NTNG1: variants seen among roughly 807,000 people sequenced by gnomAD.
NTNG1 encodes the protein netrin G1.
NTNG1 carries 16 observed loss-of-function variants against 54.0 expected under a neutral mutation model. The observed-to-expected ratio is 0.30, with a 90% CI of 0.20 to 0.45. The LOEUF is 0.45. Among genes scored for constraint, NTNG1 ranks in the 20% least tolerant of loss-of-function variants. The pLI, the probability that NTNG1 is intolerant of heterozygous loss-of-function variation, is 1.00. For missense variants in NTNG1, 530 were observed against 678.7 expected, an observed-to-expected ratio of 0.78 and a Z score of 2.43; for synonymous variants, 255 against 263.1, an observed-to-expected ratio of 0.97 and a Z score of 0.30.
At chr1:107,191,172 G>A (rs1205529533) in intron 2 of NTNG1, among the ~76,000 whole-genome samples, 1 of 152,164 alleles carries the variant, frequency 6.6e-6, no homozygotes, top group Non-Finnish European at 1.5e-5. Context: ...TTTCTCTGAT[G>A]GCCAGTGATG....
In NTNG1 at chr1:107,278,527, C is replaced by T. The variant is rs189264905; in HGVS notation, c.247-45755C>T. ...AGACTAAGTGCTTATGATAAGAAAACCCAGGAATTGAAGGTCTTTTATTCA... is the reference window on the plus strand; with the variant it reads ...AGACTAAGTGCTTATGATAAGAAAATCCAGGAATTGAAGGTCTTTTATTCA... On this transcript the variant is annotated intron_variant, in intron 2 of 7. Coordinates refer to ENST00000370068, the MANE Select transcript of NTNG1 (RefSeq NM_001113226.3). Among the ~76,000 whole-genome samples, 4 of 152,200 alleles carry T rather than the reference C, an allele frequency of 2.6e-5. No homozygotes were observed. The East Asian group carries it at 5.8e-4, about 22-fold the overall frequency.
intron 3 of NTNG1, among the ~76,000 whole-genome samples, chr1:107,385,907 C>T (rs1242202218): frequency 6.6e-6 from 1 of 150,688 alleles, no homozygotes; most frequent in Non-Finnish European, 1.5e-5. Flanking sequence ...TCACCACTGT[C>T]TAATTCCAGA....
chr1:107,361,247 AT>A (rs1670256440), intron 3 of NTNG1, among the ~76,000 whole-genome samples: 1 of 138,328 alleles, frequency 7.2e-6, no homozygotes, highest in Non-Finnish European at 1.6e-5. Flanking sequence ...ATAAATTATT[AT>A]ATAAAATATA....
intron 3 of NTNG1, among the ~76,000 whole-genome samples, chr1:107,359,246 T>C (rs772881868): frequency 1.3e-5 from 2 of 152,190 alleles, no homozygotes; most frequent in Admixed American, 1.3e-4. Context: ...ATTTTTCTCA[T>C]AAATGAAGTT....
chr1:107,163,259 G>C (rs1017211657), intron 2 of NTNG1, among the ~76,000 whole-genome samples: 3 of 152,048 alleles, frequency 2.0e-5, no homozygotes, highest in African/African-American at 7.2e-5. Context: ...ATACCTTTAT[G>C]GATATTTTAT....
chr1:107,434,642 T>G (rs1293864908), intron 6 of NTNG1, among the ~76,000 whole-genome samples: 2 of 152,190 alleles, frequency 1.3e-5, no homozygotes, highest in Non-Finnish European at 2.9e-5. Context: ...TAATCAGAGG[T>G]ACCTTAAATA....
At chr1:107,315,513 C>T (rs906419700) in intron 2 of NTNG1, among the ~76,000 whole-genome samples, 1 of 152,180 alleles carries the variant, frequency 6.6e-6, no homozygotes, top group African/African-American at 2.4e-5. Flanking sequence ...TCATCCCCTT[C>T]ACTTCCCTCT....
chr1:107,373,199 T>A (rs1671031546), intron 3 of NTNG1, among the ~76,000 whole-genome samples: 3 of 152,148 alleles, frequency 2.0e-5, no homozygotes, highest in Admixed American at 1.3e-4. Context: ...TGGAATTTTT[T>A]AAATGATTCC....
intron 3 of NTNG1, chr1:107,330,779 T>C (rs1387342181): frequency 6.6e-6 from 1 of 152,130 alleles, no homozygotes; most frequent in Non-Finnish European, 1.5e-5. Context: ...TGGTGGACTC[T>C]TTGAGAATCG....
At chr1:107,394,364 G>A (rs1672551388) in intron 3 of NTNG1, among the ~76,000 whole-genome samples, 1 of 152,162 alleles carries the variant, frequency 6.6e-6, no homozygotes, top group Non-Finnish European at 1.5e-5. Context: ...ATATATCATG[G>A]CTTTATTCAT....
intron 2 of NTNG1, among the ~76,000 whole-genome samples, chr1:107,215,918 G>C (rs1476492225): frequency 1.3e-5 from 2 of 151,968 alleles, no homozygotes; most frequent in Admixed American, 6.6e-5. Context: ...ATTGTAAAAG[G>C]GATTGAGTTC....
At chr1:107,268,812 A>T (rs556975625) in intron 2 of NTNG1, among the ~76,000 whole-genome samples, 1 of 152,304 alleles carries the variant, frequency 6.6e-6, no homozygotes, top group Admixed American at 6.5e-5. Context: ...CCAATTGCTT[A>T]GGCCTAAAAT....
intron 4 of NTNG1, among the ~76,000 whole-genome samples, chr1:107,402,706 T>G (rs1201109563): frequency 6.6e-6 from 1 of 152,174 alleles, no homozygotes; most frequent in Non-Finnish European, 1.5e-5. Context: ...GGGCCAGGAC[T>G]GGAAGAACAT....
At chr1:107,275,332 G>A (rs1570560899) in intron 2 of NTNG1, among the ~76,000 whole-genome samples, 2 of 151,990 alleles carry the variant, frequency 1.3e-5, no homozygotes, top group African/African-American at 2.4e-5. Flanking sequence ...AGCCAAGATC[G>A]CACCACTGCA....
At chr1:107,449,718 A>T (rs1184933449) in intron 7 of NTNG1, among the ~76,000 whole-genome samples, 1 of 96,684 alleles carries the variant, frequency 1.0e-5, no homozygotes, top group Admixed American at 1.0e-4. Context: ...CTTCTGCTGG[A>T]TTAAAAAAAA....
intron 2 of NTNG1, 103 bp from the exon 3 acceptor site, chr1:107,324,179 A>AT (rs567737906): frequency 3.3e-3 from 3,248 of 988,002 alleles, no homozygotes; most frequent in Middle Eastern, 4.3e-3. Context: ...CTGAAAACAG[A>AT]TTTTTTTTTT....
At chr1:107,203,394 C>A (rs1241511204) in intron 2 of NTNG1, among the ~76,000 whole-genome samples, 1 of 151,424 alleles carries the variant, frequency 6.6e-6, no homozygotes, top group Non-Finnish European at 1.5e-5. Flanking sequence ...GTTTTCTTTC[C>A]ATTTTCAGAA....
intron 3 of NTNG1, among the ~76,000 whole-genome samples, chr1:107,363,944 A>G (rs1217602535): frequency 1.3e-5 from 2 of 151,940 alleles, no homozygotes; most frequent in African/African-American, 4.8e-5. Flanking sequence ...CATTTGGGGG[A>G]AAAAGAACTG....
In NTNG1 at chr1:107,150,141, C is replaced by G. The variant is rs117984334; in HGVS notation, c.246+1302C>G. Among the ~76,000 whole-genome samples, 118 of 152,248 alleles carry G rather than the reference C, an allele frequency of 7.8e-4. 3 individuals carry two copies. The East Asian group carries it at 0.023, about 29-fold the overall frequency. ...TGATTTTGTGGAGAGTGAGAAAAAGCACTTGGCTATTAGGTGTCACTGTTA... is the reference window on the plus strand; with the variant it reads ...TGATTTTGTGGAGAGTGAGAAAAAGGACTTGGCTATTAGGTGTCACTGTTA... On this transcript the variant is annotated intron_variant, in intron 2 of 7. Coordinates refer to ENST00000370068, the MANE Select transcript of NTNG1 (RefSeq NM_001113226.3).
Sources: gnomAD v4.1 joint callset for allele counts (sites outside exome capture counted in the v4.1 genomes callset) on GRCh38, gnomAD v4.1.1 for gene constraint, MANE v1.5 for transcripts, NCBI Gene and HGNC (gene_info 2026-07-23, HGNC 2026-07-21) for gene names.